The following DHRS7B variants were observed in gnomAD, a reference collection of about 807,000 sequenced individuals.
DHRS7B encodes dehydrogenase/reductase 7B, also known as peroxisomal reductase activating PPAR-gamma.
A neutral mutation model predicts 26.4 loss-of-function variants in DHRS7B; 24 were observed. The ratio of observed to expected loss-of-function variants is 0.91; its 90% CI spans 0.66 to 1.28. The LOEUF is 1.28. Ranked by LOEUF, DHRS7B falls within the 50% of genes most tolerant of loss-of-function variation. The pLI is 0.00. For synonymous variants in DHRS7B, 142 were observed against 166.4 expected (o/e 0.85, Z 1.13); for missense variants, 368 against 419.4 (o/e 0.88, Z 1.07).
chr17:21,136,521 AAAAAG>A (rs1973345324), intron 1 of DHRS7B, among the ~76,000 whole-genome samples: 2 of 149,764 alleles, frequency 1.3e-5, no homozygotes, highest in African/African-American at 4.9e-5. Context: ...AAAAGAAAAA[AAAAAG>A]AAAAGGTTTT....
At chr17:21,189,387 G>A (rs1164466126) in intron 6 of DHRS7B, among the ~76,000 whole-genome samples, 1 of 152,142 alleles carries the variant, frequency 6.6e-6, no homozygotes, top group African/African-American at 2.4e-5. Context: ...GTCACCACTC[G>A]CGGGCAGAGC....
chr17:21,183,834 G>A (rs747474222), intron 4 of DHRS7B, 24 bp downstream of exon 4: 1 of 1,585,392 alleles, frequency 6.3e-7, no homozygotes, highest in Non-Finnish European at 8.7e-7. Context: ...GAAAAGAGCA[G>A]TGATAAGTGA....
At chr17:21,160,429 C>T (rs1973976430) in intron 1 of DHRS7B, among the ~76,000 whole-genome samples, 1 of 151,938 alleles carries the variant, frequency 6.6e-6, no homozygotes, top group East Asian at 1.9e-4. Context: ...TCTGAAGAGA[C>T]CTGAGTGAAG....
At chr17:21,165,911 G>C (rs145690881) in intron 1 of DHRS7B, among the ~76,000 whole-genome samples, 38 of 83,854 alleles carry the variant, frequency 4.5e-4, no homozygotes, top group African/African-American at 1.4e-3. Context: ...GCAAGACTCC[G>C]TCTCCAAAAA....
At chr17:21,165,417 C>A (rs188000410) in intron 1 of DHRS7B, among the ~76,000 whole-genome samples, 29 of 152,146 alleles carry the variant, frequency 1.9e-4, no homozygotes, top group African/African-American at 6.7e-4. Context: ...TCTCCACCTC[C>A]TGTGTTCAAG....
intron 1 of DHRS7B, among the ~76,000 whole-genome samples, chr17:21,143,998 A>C (rs944531054): frequency 6.6e-6 from 1 of 152,240 alleles, no homozygotes; most frequent in Non-Finnish European, 1.5e-5. Context: ...GAGAGAGACC[A>C]CCTGTGGACA....
intron 5 of DHRS7B, among the ~76,000 whole-genome samples, chr17:21,187,620 C>T (rs1178875810): frequency 3.3e-5 from 4 of 120,718 alleles, no homozygotes; most frequent in African/African-American, 6.3e-5. Context: ...GGTGGCAGAG[C>T]GAGACTCTGT....
At chr17:21,148,560 G>C (rs1355014999) in intron 1 of DHRS7B, among the ~76,000 whole-genome samples, 2 of 151,982 alleles carry the variant, frequency 1.3e-5, no homozygotes, top group Non-Finnish European at 2.9e-5. Flanking sequence ...CCTGGCCAAT[G>C]TGGTGAAACC....
In DHRS7B at chr17:21,191,417, G is replaced by A. The variant is rs118174104; in HGVS notation, c.*264G>A. The A allele has an allele frequency of 6.4e-3, 2,923 of 457,182 alleles. 13 individuals carry two copies. Among genetic ancestry groups the A allele is most frequent in the Middle Eastern group, 0.01 (16 of 1,584 alleles). 28.3% of individuals were successfully genotyped at this position (457,182 alleles called of 1,614,324 possible). On this transcript the variant is annotated 3_prime_UTR_variant, in exon 7 of 7. Transcript: ENST00000395511. ...AAACTAGAAATAAACATCTCAAACAGTAAGAGTTGTAGTCTTCCAGGACTA... is the reference window on the plus strand; with the variant it reads ...AAACTAGAAATAAACATCTCAAACAATAAGAGTTGTAGTCTTCCAGGACTA...
intron 1 of DHRS7B, among the ~76,000 whole-genome samples, chr17:21,138,075 AAT>A (rs1215794776): frequency 6.0e-5 from 2 of 33,230 alleles, no homozygotes; most frequent in Admixed American, 4.4e-4. Context: ...TTAAAAAAAA[AAT>A]ATATATATAT....
intron 1 of DHRS7B, among the ~76,000 whole-genome samples, chr17:21,129,209 G>A (rs781162838): frequency 8.3e-4 from 126 of 152,166 alleles, no homozygotes; most frequent in Non-Finnish European, 1.5e-3. Context: ...GGACAGTAGA[G>A]GGTGCTGTGA....
At chr17:21,151,017 CAA>C (rs2143994782) in intron 1 of DHRS7B, among the ~76,000 whole-genome samples, 1 of 152,292 alleles carries the variant, frequency 6.6e-6, no homozygotes, top group African/African-American at 2.4e-5. Context: ...AGGACAGACA[CAA>C]AGAGATCCAC....
intron 1 of DHRS7B, among the ~76,000 whole-genome samples, chr17:21,169,212 G>A (rs1207161249): frequency 1.3e-5 from 2 of 152,180 alleles, no homozygotes; most frequent in African/African-American, 4.8e-5. Context: ...AAAGGTTTAT[G>A]AAAATATAGA....
chr17:21,133,474 T>C (rs974573324), intron 1 of DHRS7B, among the ~76,000 whole-genome samples: 2 of 152,254 alleles, frequency 1.3e-5, no homozygotes, highest in African/African-American at 2.4e-5. Context: ...TTGCATTCTT[T>C]TGAGTTTCTG....
At chr17:21,157,424 C>T (rs1295455802) in intron 1 of DHRS7B, among the ~76,000 whole-genome samples, 1 of 152,134 alleles carries the variant, frequency 6.6e-6, no homozygotes, top group African/African-American at 2.4e-5. Flanking sequence ...AGGCTAGGCA[C>T]AGTGCTCATG....
At chr17:21,136,495 A>T (rs114237245) in intron 1 of DHRS7B, among the ~76,000 whole-genome samples, 2,953 of 152,082 alleles carry the variant, frequency 0.019, 115 homozygotes, top group African/African-American at 0.067. Context: ...CTGGGCAATG[A>T]ATGAAACTCC....
At chr17:21,175,154 A>G (rs1384883694) in intron 2 of DHRS7B, among the ~76,000 whole-genome samples, 5 of 152,230 alleles carry the variant, frequency 3.3e-5, no homozygotes, top group Non-Finnish European at 7.3e-5. Flanking sequence ...GGGGAGCTGA[A>G]CAAGAAGCTG....
chr17:21,141,652 C>T (rs1226937378), intron 1 of DHRS7B, among the ~76,000 whole-genome samples: 1 of 126,670 alleles, frequency 7.9e-6, no homozygotes, highest in Non-Finnish European at 1.7e-5. Flanking sequence ...AACCTCATCT[C>T]AAACTCCACA....
At chr17:21,166,306 T>C in intron 1 of DHRS7B, 1 of 985,444 alleles carries the variant, frequency 1.0e-6, no homozygotes, top group Non-Finnish European at 1.2e-6. Context: ...ACCAGGGAGC[T>C]GAAGGCTGGC....
Sources: gnomAD v4.1 joint callset for allele counts (sites outside exome capture counted in the v4.1 genomes callset) on GRCh38, gnomAD v4.1.1 for gene constraint, MANE v1.5 for transcripts, NCBI Gene and HGNC (gene_info 2026-07-23, HGNC 2026-07-21) for gene names.